Variants in NDRG1 observed in about 807,000 individuals in gnomAD.
NDRG1 encodes the protein N-myc downstream regulated 1.
Under a neutral mutation model 56.9 loss-of-function variants are expected in NDRG1, and 32 were observed. The observed-to-expected ratio is 0.56, with a 90% CI of 0.42 to 0.76. NDRG1 has a LOEUF of 0.76. Among genes scored for constraint, NDRG1 ranks in the 30% least tolerant of loss-of-function variants. The pLI is 0.00. For missense variants in NDRG1, 507 were observed against 545.7 expected, an observed-to-expected ratio of 0.93 and a Z score of 0.71; for synonymous variants, 211 against 204.1, an observed-to-expected ratio of 1.03 and a Z score of -0.29.
At chr8:133,246,718 A>T in intron 12 of NDRG1, 55 bp from the exon 13 acceptor site, 1 of 1,516,902 alleles carries the variant, frequency 6.6e-7, no homozygotes, top group Non-Finnish European at 9.2e-7. Flanking sequence ...AAGCCAAAAC[A>T]TCTCCCCCTT....
At chr8:133,295,184 C>A (rs754509724) in intron 1 of NDRG1, among the ~76,000 whole-genome samples, 2 of 152,286 alleles carry the variant, frequency 1.3e-5, no homozygotes, top group Admixed American at 1.3e-4. Context: ...TTACCTCGCC[C>A]GAAACTCAAC....
intron 9 of NDRG1, among the ~76,000 whole-genome samples, chr8:133,250,863 C>G (rs1296423893): frequency 6.7e-6 from 1 of 150,316 alleles, no homozygotes; most frequent in Non-Finnish European, 1.5e-5. Context: ...CATCACTGTC[C>G]CTTTCGTAGG....
At chr8:133,254,955 T>C (rs749244071) in intron 8 of NDRG1, 29 of 347,340 alleles carry the variant, frequency 8.3e-5, no homozygotes, top group Non-Finnish European at 1.4e-4. Flanking sequence ...AAAAACACAC[T>C]GAGCTCCCCA....
At chr8:133,296,694 GACAC>G (rs36215434) in intron 1 of NDRG1, 14,552 of 269,652 alleles carry the variant, frequency 0.054, 303 homozygotes, top group Non-Finnish European at 0.07. Context: ...CCCAGACACA[GACAC>G]ACACACACAC....
At chr8:133,278,500 T>C (rs193064070) in intron 3 of NDRG1, among the ~76,000 whole-genome samples, 9 of 152,238 alleles carry the variant, frequency 5.9e-5, no homozygotes, top group Admixed American at 5.9e-4. Flanking sequence ...AGGAACGGGA[T>C]GGAGCTCTGG....
rs886062714 is a variant in NDRG1, at chr8:133,238,572, G to A, written c.*306C>T. 40 of 482,452 alleles carry A rather than the reference G, an allele frequency of 8.3e-5. No homozygotes were observed. The highest frequency in any genetic ancestry group is 3.5e-4 in the South Asian group (11 of 31,384). 29.9% of individuals were successfully genotyped at this position (482,452 alleles called of 1,614,324 possible). On this transcript the variant is annotated 3_prime_UTR_variant, in exon 16 of 16. Transcript: ENST00000323851. ...CTTTGTGAAGTGTGTGCTGCTACGC[G>A]TCTTGTTTTTGGCAGTTTGGTGTCT...
chr8:133,273,041 G>A (rs1000401313), intron 3 of NDRG1, among the ~76,000 whole-genome samples: 6 of 152,216 alleles, frequency 3.9e-5, no homozygotes, highest in African/African-American at 1.4e-4. Flanking sequence ...AAGAGGCCTT[G>A]CAGCAGAACG....
chr8:133,256,867 C>T lies in NDRG1; in HGVS notation c.451-4G>A, dbSNP rs753234160. ...CCACCATCTCAGGGTTGTTTAGCTG[C>T]AATTCAAGACACAAAGTGAGACAGA... On this transcript the variant is annotated splice_polypyrimidine_tract_variant and splice_region_variant and intron_variant, in intron 7 of 15. Transcript: ENST00000323851. The T allele has an allele frequency of 1.9e-6, 3 of 1,613,324 alleles. No individual in the cohort carries two copies. The highest frequency in any genetic ancestry group is 2.5e-6 in the Non-Finnish European group (3 of 1,179,514).
At chr8:133,273,996 C>A (rs1374010189) in intron 3 of NDRG1, among the ~76,000 whole-genome samples, 1 of 152,208 alleles carries the variant, frequency 6.6e-6, no homozygotes, top group Admixed American at 6.5e-5. Context: ...CTTCCTGCAA[C>A]CCGGACACCT....
intron 13 of NDRG1, 118 bp downstream of exon 13, chr8:133,246,498 T>G: frequency 9.3e-7 from 1 of 1,073,946 alleles, no homozygotes; most frequent in Non-Finnish European, 1.5e-6. Context: ...ATTAAATCAT[T>G]AATTCTATAG....
intron 4 of NDRG1, among the ~76,000 whole-genome samples, 187 bp downstream of exon 4, chr8:133,264,360 T>A (rs1856806478): frequency 1.3e-5 from 2 of 152,218 alleles, no homozygotes; most frequent in Admixed American, 1.3e-4. Context: ...CACAGACAAC[T>A]CCGTGCCCAC....
chr8:133,286,893 T>G (rs946990542), intron 1 of NDRG1, among the ~76,000 whole-genome samples: 1 of 152,194 alleles, frequency 6.6e-6, no homozygotes, highest in Non-Finnish European at 1.5e-5. Context: ...CGGGGTAGCC[T>G]GCATGTTGGT....
intron 14 of NDRG1, among the ~76,000 whole-genome samples, chr8:133,242,556 A>G (rs1564279562): frequency 6.6e-6 from 1 of 152,196 alleles, no homozygotes; most frequent in Non-Finnish European, 1.5e-5. Flanking sequence ...GGGTCCCACA[A>G]CAAGTAAGTG....
intron 12 of NDRG1, 27 bp downstream of exon 12, chr8:133,247,848 C>A (rs200688872): frequency 9.7e-5 from 156 of 1,612,676 alleles, no homozygotes; most frequent in Non-Finnish European, 1.2e-4. Context: ...GAATTAAACA[C>A]AGAAATCAGC....
Position 133,237,705 on chromosome 8 carries a change from G to A in NDRG1, c.*1173C>T, listed in dbSNP as rs879441181. On this transcript the variant is annotated 3_prime_UTR_variant, in exon 16 of 16. Transcript: ENST00000323851. ...CCACGTGAGTTCCCACCCCCACCCC[G>A]ACAAGAGCAAAGAGTTCTGAGGATC... is the stretch of plus-strand genomic sequence containing the variant. 10 of 79,468 alleles carry A rather than the reference G, an allele frequency of 1.3e-4. No individual in the cohort carries two copies. The highest frequency in any genetic ancestry group is 5.5e-4 in the South Asian group (1 of 1,816). 4.9% of individuals were successfully genotyped at this position (79,468 alleles called of 1,614,324 possible).
chr8:133,267,950 G>A (rs1431315697), intron 3 of NDRG1, among the ~76,000 whole-genome samples: 1 of 152,196 alleles, frequency 6.6e-6, no homozygotes, highest in East Asian at 1.9e-4. Context: ...CGCCACCCCA[G>A]CTGGCATCAA....
intron 3 of NDRG1, among the ~76,000 whole-genome samples, chr8:133,268,386 T>C (rs1857020935): frequency 6.6e-6 from 1 of 152,194 alleles, no homozygotes; most frequent in Non-Finnish European, 1.5e-5. Context: ...GTCAGGACCC[T>C]GGCTGCTGCC....
In NDRG1 at chr8:133,239,123, G is replaced by C. The variant is rs746382858; in HGVS notation, c.944-4C>G. On this transcript the variant is annotated splice_region_variant and splice_polypyrimidine_tract_variant and intron_variant, in intron 15 of 15. Coordinates refer to ENST00000323851, the MANE Select transcript of NDRG1 (RefSeq NM_006096.4). ...CGGGTCATGCTAGCCGAGGGCACTA[G>C]GGGAACAAGAGACAGCCGGTTAGAG... is the stretch of plus-strand genomic sequence containing the variant. 5.8e-6 allele frequency: 9 copies of C among 1,554,022 alleles called. No homozygotes were observed. The East Asian group carries it at 1.9e-4, about 33-fold the overall frequency.
chr8:133,258,299 C>T, intron 7 of NDRG1, 67 bp downstream of exon 7: 2 of 1,511,420 alleles, frequency 1.3e-6, no homozygotes, highest in Non-Finnish European at 1.8e-6. Flanking sequence ...TGATGCTTTT[C>T]CAATGTCTTC....
Sources: gnomAD v4.1 joint callset for allele counts (sites outside exome capture counted in the v4.1 genomes callset) on GRCh38, gnomAD v4.1.1 for gene constraint, MANE v1.5 for transcripts, NCBI Gene and HGNC (gene_info 2026-07-23, HGNC 2026-07-21) for gene names.